The following MAP3K13 variants were observed in gnomAD, a reference collection of about 807,000 sequenced individuals.
MAP3K13 encodes mitogen-activated protein kinase kinase kinase 13.
Under a neutral mutation model 104.0 loss-of-function variants are expected in MAP3K13, and 52 were observed. The observed-to-expected ratio is 0.50, with a 90% CI of 0.40 to 0.63. The LOEUF is 0.63. Among genes scored for constraint, MAP3K13 ranks in the 20% least tolerant of loss-of-function variants. MAP3K13 has a pLI of 0.00. For synonymous variants in MAP3K13, 394 were observed against 442.2 expected (o/e 0.89, Z 1.37); for missense variants, 914 against 1,218.5 (o/e 0.75, Z 3.72).
At chr3:185,309,611 C>A (rs765320443) in intron 2 of MAP3K13, among the ~76,000 whole-genome samples, 5 of 152,028 alleles carry the variant, frequency 3.3e-5, no homozygotes, top group Non-Finnish European at 7.4e-5. Context: ...AATTACATAC[C>A]CTGCCTAAAT....
At chr3:185,335,828 T>C (rs1722481147) in intron 2 of MAP3K13, among the ~76,000 whole-genome samples, 1 of 152,156 alleles carries the variant, frequency 6.6e-6, no homozygotes, top group Non-Finnish European at 1.5e-5. Flanking sequence ...TTACAGATAG[T>C]GAGGAGGATA....
chr3:185,353,642 C>T (rs961906333), intron 2 of MAP3K13, among the ~76,000 whole-genome samples: 1 of 152,144 alleles, frequency 6.6e-6, no homozygotes, highest in Non-Finnish European at 1.5e-5. Context: ...ATATAAGGCT[C>T]ATTTTAAAAC....
At chr3:185,392,336 G>A (rs571376449) in intron 1 of MAP3K13, among the ~76,000 whole-genome samples, 3 of 152,296 alleles carry the variant, frequency 2.0e-5, no homozygotes, top group African/African-American at 4.8e-5. Flanking sequence ...AAGGGCTGAC[G>A]GAATACAGGC....
chr3:185,294,950 T>C (rs1720865671), intron 2 of MAP3K13, among the ~76,000 whole-genome samples: 1 of 152,234 alleles, frequency 6.6e-6, no homozygotes, highest in Admixed American at 6.5e-5. Context: ...GCCTACATTT[T>C]TGCAATAACT....
At chr3:185,407,806 G>C (rs1713198346) in intron 1 of MAP3K13, among the ~76,000 whole-genome samples, 1 of 151,032 alleles carries the variant, frequency 6.6e-6, no homozygotes, top group African/African-American at 2.4e-5. Context: ...CATATAAATG[G>C]AATTATACAA....
At chr3:185,321,895 C>T (rs534438671) in intron 2 of MAP3K13, among the ~76,000 whole-genome samples, 7 of 152,164 alleles carry the variant, frequency 4.6e-5, no homozygotes, top group Non-Finnish European at 8.8e-5. Context: ...TGAGCCACCA[C>T]GCCCGGCCGT....
intron 2 of MAP3K13, among the ~76,000 whole-genome samples, chr3:185,324,660 A>G (rs537713310): frequency 1.3e-5 from 2 of 152,176 alleles, no homozygotes; most frequent in Admixed American, 6.5e-5. Flanking sequence ...TCCTCCACTT[A>G]TATCTCCTAT....
Position 185,423,041 on chromosome 3 carries a change from G to A in MAP3K13, c.-85-5456G>A, listed in dbSNP as rs528020068. ...TATGTGCCCTTTATGAGAATCTAATGACTAATGATCTGTCACTGTCCCCCA... is the reference window on the plus strand; with the variant it reads ...TATGTGCCCTTTATGAGAATCTAATAACTAATGATCTGTCACTGTCCCCCA... On this transcript the variant is annotated intron_variant, in intron 1 of 13. Transcript: ENST00000265026. This position sits in a 1 kb window ranked among gnomAD's most constrained non-coding sequence, Gnocchi z 4.1. Among the ~76,000 whole-genome samples the A allele has an allele frequency of 6.6e-6, 1 of 152,294 alleles. No individual in the cohort carries two copies. Among genetic ancestry groups the A allele is most frequent in the East Asian group, 1.9e-4 (1 of 5,188 alleles).
chr3:185,344,161 A>G (rs1722827720), intron 2 of MAP3K13, among the ~76,000 whole-genome samples: 1 of 151,540 alleles, frequency 6.6e-6, no homozygotes, highest in African/African-American at 2.4e-5. Context: ...GAGTGCCACC[A>G]TCTACTGTCT....
chr3:185,451,939 C>G (rs1232435876), intron 7 of MAP3K13, among the ~76,000 whole-genome samples: 1 of 150,858 alleles, frequency 6.6e-6, no homozygotes, highest in Non-Finnish European at 1.5e-5. Context: ...CTTATAGTGG[C>G]TCCTGGTAAA....
chr3:185,308,704 C>A (rs947211940), intron 2 of MAP3K13, among the ~76,000 whole-genome samples: 1 of 152,190 alleles, frequency 6.6e-6, no homozygotes, highest in South Asian at 2.1e-4. Context: ...TTCCCTTGGG[C>A]ACTTCCCTAA....
chr3:185,482,606 AG>A lies in MAP3K13; in HGVS notation c.*152del. 1 of 567,644 alleles carries A rather than the reference AG, an allele frequency of 1.8e-6. No homozygotes were observed. The highest frequency in any genetic ancestry group is 3.1e-6 in the Non-Finnish European group (1 of 319,794). 35.2% of individuals were successfully genotyped at this position (567,644 alleles called of 1,614,324 possible). ...CCCCCTAGAAATGAGCTGCAATAAC[AG>A]GAACATGAGACTTCGCAAATCTCTG... On this transcript the variant is annotated 3_prime_UTR_variant, in exon 14 of 14. Coordinates refer to ENST00000265026, the MANE Select transcript of MAP3K13 (RefSeq NM_004721.5). The surrounding 1 kb of genome is among the most constrained non-coding windows in gnomAD (Gnocchi z 4.5).
chr3:185,442,384 C>T (rs1250509065), intron 3 of MAP3K13, among the ~76,000 whole-genome samples: 1 of 151,496 alleles, frequency 6.6e-6, no homozygotes, highest in African/African-American at 2.4e-5. Context: ...GTCTTTGGGT[C>T]CTCAGTCTAG....
chr3:185,357,234 C>G (rs1723397997), intron 2 of MAP3K13, among the ~76,000 whole-genome samples: 1 of 151,454 alleles, frequency 6.6e-6, no homozygotes, highest in Non-Finnish European at 1.5e-5. Context: ...CACCTGAGGT[C>G]AGGAGTTTAA....
Position 185,374,738 on chromosome 3 carries a change from A to G in MAP3K13, c.-86+11370A>G, listed in dbSNP as rs2108752998. 2.6e-5 allele frequency among the ~76,000 whole-genome samples: 4 copies of G among 151,540 alleles called. 1 individual carries two copies. The South Asian group carries it at 8.4e-4, about 32-fold the overall frequency. The stretch of plus-strand genomic sequence containing the variant: ...GATTTAGGTAAAAACAGCACTCTTC[A>G]TTTAAAAACATAGAGTCCCCCTTTT... On this transcript the variant is annotated intron_variant, in intron 1 of 13. Coordinates refer to ENST00000265026, the MANE Select transcript of MAP3K13 (RefSeq NM_004721.5).
chr3:185,464,507 T>C (rs970408698), intron 8 of MAP3K13, among the ~76,000 whole-genome samples: 4 of 152,156 alleles, frequency 2.6e-5, no homozygotes, highest in Non-Finnish European at 5.9e-5. Flanking sequence ...ACATCTGGCA[T>C]TTCCCCTGCT....
chr3:185,415,325 G>A (rs1713685787), intron 1 of MAP3K13, among the ~76,000 whole-genome samples: 1 of 149,808 alleles, frequency 6.7e-6, no homozygotes, highest in Admixed American at 6.6e-5. Flanking sequence ...GCTAATTTTT[G>A]TTGTGTATTT....
chr3:185,455,171 G>GATATATATGATATATATGAGAT (rs1560118591), intron 7 of MAP3K13, among the ~76,000 whole-genome samples: 26 of 28,068 alleles, frequency 9.3e-4, no homozygotes, highest in Admixed American at 2.5e-3. Flanking sequence ...ATATATATGA[G>GATATATATGATATATATGAGAT]ATATATATGA....
chr3:185,286,358 A>G (rs1380685813), intron 2 of MAP3K13, among the ~76,000 whole-genome samples: 2 of 152,104 alleles, frequency 1.3e-5, no homozygotes, highest in African/African-American at 4.8e-5. Flanking sequence ...TCTCCTTTGT[A>G]GATACACTGG....
Sources: gnomAD v4.1 joint callset for allele counts (sites outside exome capture counted in the v4.1 genomes callset) on GRCh38, gnomAD v4.1.1 for gene constraint, Gnocchi (gnomAD v3.1) non-coding constraint, MANE v1.5 for transcripts, NCBI Gene and HGNC (gene_info 2026-07-23, HGNC 2026-07-21) for gene names.